The following LIN7C variants were observed in gnomAD, a reference collection of about 807,000 sequenced individuals.
The protein encoded by LIN7C is lin-7 cell polarity scaffold C, also known as protein lin-7 homolog C.
Under a neutral mutation model 24.7 loss-of-function variants are expected in LIN7C, and 17 were observed. The observed-to-expected ratio is 0.69, with a 90% CI of 0.47 to 1.03. The LOEUF is 1.03. Ranked by LOEUF, LIN7C falls within the 50% of genes least tolerant of loss-of-function variation. The pLI is 0.00. For missense variants in LIN7C, 204 were observed against 239.0 expected (o/e 0.85, Z 0.97); for synonymous variants, 90 against 83.4 (o/e 1.08, Z -0.43).
At position 27,503,954 on chromosome 11, in the gene LIN7C, A is replaced by G. The variant is rs1482769820; in HGVS notation, c.38-2034T>C. Reference sequence around the variant, plus strand: ...TGCCTCAGTCTCCCGAGTAGCTGGGACTACAGGTACCTGCCACCAGGCCCA... The same window carrying G: ...TGCCTCAGTCTCCCGAGTAGCTGGGGCTACAGGTACCTGCCACCAGGCCCA... On this transcript the variant is annotated intron_variant, in intron 1 of 4. Transcript: ENST00000278193. Among the ~76,000 whole-genome samples, 11 of 151,942 alleles carry G rather than the reference A, an allele frequency of 7.2e-5. 1 individual carries two copies. The highest frequency in any genetic ancestry group is 7.2e-4 in the Admixed American group (11 of 15,258).
intron 3 of LIN7C, among the ~76,000 whole-genome samples, chr11:27,499,799 AT>A (rs35138390): frequency 6.7e-6 from 1 of 150,236 alleles, no homozygotes; most frequent in Non-Finnish European, 1.5e-5. Flanking sequence ...ATTTTTTTGT[AT>A]TTTTTTTTAG....
intron 3 of LIN7C, among the ~76,000 whole-genome samples, chr11:27,499,788 A>G (rs1267198270): frequency 1.3e-5 from 2 of 151,066 alleles, no homozygotes; most frequent in Non-Finnish European, 2.9e-5. Context: ...ACGCCCGGCT[A>G]ATTTTTTTGT....
rs543665579 is a variant in LIN7C at position 27,501,298 on chromosome 11, T to C, written c.228+197A>G. Among the ~76,000 whole-genome samples, 106 of 152,278 alleles carry C rather than the reference T, an allele frequency of 7.0e-4. 1 individual carries two copies. Among genetic ancestry groups the C allele is most frequent in the Non-Finnish European group, 1.2e-3 (79 of 68,002 alleles). Reference sequence around the variant, plus strand: ...CTAAACTGCATGATAAAATAGCTTATGTAAGCTATTTATCATGCAGCATTT... The same window carrying C: ...CTAAACTGCATGATAAAATAGCTTACGTAAGCTATTTATCATGCAGCATTT... On this transcript the variant is annotated intron_variant, in intron 3 of 4. Transcript: ENST00000278193.
chr11:27,501,959 G>T (rs201164987), intron 1 of LIN7C, 39 bp from the exon 2 acceptor site: 3 of 1,321,662 alleles, frequency 2.3e-6, no homozygotes, highest in South Asian at 1.2e-5. Flanking sequence ...TTCTCCAAGG[G>T]TTTTCTCAAT....
At chr11:27,502,577 A>G (rs1865236763) in intron 1 of LIN7C, among the ~76,000 whole-genome samples, 1 of 152,208 alleles carries the variant, frequency 6.6e-6, no homozygotes, top group African/African-American at 2.4e-5. Flanking sequence ...TATGTTTACA[A>G]AAAAGAAAAA....
Position 27,501,526 on chromosome 11 carries a change from C to G in LIN7C, c.197G>C (p.Ser66Thr). 6.3e-7 allele frequency: 1 copy of G among 1,598,064 alleles called. No homozygotes were observed. Among genetic ancestry groups the G allele is most frequent in the Non-Finnish European group, 8.5e-7 (1 of 1,174,732 alleles). Residue 66 changes from serine (S) to threonine (T), a missense_variant, in exon 3 of 5, where the codon AGT becomes ACT. Physicochemically the swap from Ser to Thr is moderately conservative, Grantham distance 58. This residue lies in a region of LIN7C where 126 missense variants were observed against 117.8 expected (regional missense o/e 1.07). Coordinates refer to ENST00000278193, the MANE Select transcript of LIN7C (RefSeq NM_018362.4). ...AGTAGCGTTCGCTCTCACTTCAGGA[C>G]TGCTACTGATGTCCACAGTCTCATA... ...HVYETVDISS[S>T]PEVRANATAK...
At chr11:27,501,368 G>A (rs1186645912) in intron 3 of LIN7C, 127 bp downstream of exon 3, 3 of 648,722 alleles carry the variant, frequency 4.6e-6, no homozygotes, top group African/African-American at 1.9e-5. Flanking sequence ...TAGTACTTGA[G>A]AAATTTGGTG....
At chr11:27,504,216 A>G (rs1372763104) in intron 1 of LIN7C, among the ~76,000 whole-genome samples, 1 of 152,228 alleles carries the variant, frequency 6.6e-6, no homozygotes, top group Non-Finnish European at 1.5e-5. Context: ...CTGATTTCCC[A>G]TCACCAGAAT....
chr11:27,504,094 A>G (rs1865250112), intron 1 of LIN7C, among the ~76,000 whole-genome samples: 1 of 152,202 alleles, frequency 6.6e-6, no homozygotes, highest in Non-Finnish European at 1.5e-5. Flanking sequence ...CTGGGATTAC[A>G]GGCGTGAGCC....
Position 27,499,547 on chromosome 11 carries a change from C to T in LIN7C, c.250G>A (p.Ala84Thr). 6.2e-7 allele frequency: 1 copy of T among 1,614,190 alleles called. No individual in the cohort carries two copies. The highest frequency in any genetic ancestry group is 8.5e-7 in the Non-Finnish European group (1 of 1,180,032). The change falls in exon 4 of 5, where the codon GCC becomes ACC. Residue 84 changes from alanine to threonine, a missense_variant. Physicochemically the swap from Ala to Thr is moderately conservative, Grantham distance 58. Transcript: ENST00000278193. The stretch of plus-strand genomic sequence containing the variant: ...CGAGGATGAGAATGTCCTTCACTGG[C>T]AGCAAATGCAGCAACAGTAGCCTGA... ...TAKATVAAFA[A>T]SEGHSHPRVV...
chr11:27,501,934 C>T lies in LIN7C; in HGVS notation c.38-14G>A. 1 of 1,476,278 alleles carries T rather than the reference C, an allele frequency of 6.8e-7. No individual in the cohort carries two copies. Among genetic ancestry groups the T allele is most frequent in the Non-Finnish European group, 9.5e-7 (1 of 1,057,288 alleles). The allele number at this position is 1,476,278 out of a possible 1,614,324, so 91.4% of individuals were successfully genotyped here. ...CTCTACAAATATCTAGAGTTAAACA[C>T]ACACACAGATAATTTTCTCCAAGGG... On this transcript the variant is annotated splice_polypyrimidine_tract_variant and intron_variant, in intron 1 of 4. Transcript: ENST00000278193.
At chr11:27,501,641 T>TAAAATTTCAGGCAA in intron 2 of LIN7C, 75 bp from the exon 3 acceptor site, 3 of 1,067,734 alleles carry the variant, frequency 2.8e-6, no homozygotes, top group Non-Finnish European at 4.2e-6. Context: ...CAGGCAAAGT[T>TAAAATTTCAGGCAA]ATGCATCTTT....
chr11:27,494,991 G>GT lies in LIN7C; in HGVS notation c.*3657dup, dbSNP rs1484789748. 3 of 152,564 alleles carry GT rather than the reference G, an allele frequency of 2.0e-5. No individual in the cohort carries two copies. 9.5% of individuals were successfully genotyped at this position (152,564 alleles called of 1,614,324 possible). On this transcript the variant is annotated 3_prime_UTR_variant, in exon 5 of 5. Coordinates refer to ENST00000278193, the MANE Select transcript of LIN7C (RefSeq NM_018362.4). The stretch of plus-strand genomic sequence containing the variant: ...ATTATAAAATATTCACAAACATGTA[G>GT]TTTTTTAAGTCTACACCAGGTCATG...
rs899144209 is a variant in LIN7C at position 27,494,531 on chromosome 11, T to C, written c.*4118A>G. On this transcript the variant is annotated 3_prime_UTR_variant, in exon 5 of 5. Transcript: ENST00000278193. ...ACATACCTTTCATAAACGTTATCTA[T>C]TGTGTAGTTATATCAACTTTTTTCA... 1.3e-5 allele frequency: 2 copies of C among 152,238 alleles called. No homozygotes were observed. The highest frequency in any genetic ancestry group is 2.9e-5 in the Non-Finnish European group (2 of 68,038). 9.4% of individuals were successfully genotyped at this position (152,238 alleles called of 1,614,324 possible).
At chr11:27,504,002 G>C (rs1865249229) in intron 1 of LIN7C, among the ~76,000 whole-genome samples, 1 of 152,044 alleles carries the variant, frequency 6.6e-6, no homozygotes, top group African/African-American at 2.4e-5. Flanking sequence ...ATTTTTAGTA[G>C]AGACAGGGTT....
At chr11:27,499,136 A>C (rs192810624) in intron 4 of LIN7C, among the ~76,000 whole-genome samples, 1 of 152,136 alleles carries the variant, frequency 6.6e-6, no homozygotes, top group Non-Finnish European at 1.5e-5. Flanking sequence ...TATTGCCTTT[A>C]ATAAAGAGCT....
Position 27,497,896 on chromosome 11 carries a change from A to G in LIN7C, c.*753T>C, listed in dbSNP as rs1865186527. 1 of 152,152 alleles carries G rather than the reference A, an allele frequency of 6.6e-6. No individual in the cohort carries two copies. Among genetic ancestry groups the G allele is most frequent in the African/African-American group, 2.4e-5 (1 of 41,446 alleles). The allele number at this position is 152,152 out of a possible 1,614,324, so 9.4% of individuals were successfully genotyped here. A position where few individuals can be genotyped will look rare whatever the true frequency, so the allele number is the denominator to read the frequency against. On this transcript the variant is annotated 3_prime_UTR_variant, in exon 5 of 5. Coordinates refer to ENST00000278193, the MANE Select transcript of LIN7C (RefSeq NM_018362.4). Reference sequence around the variant, plus strand: ...ATAATTTGATGTACGGTTGAACATAAATAGGGATGTAATAAGTAATGCTAT... The same window carrying G: ...ATAATTTGATGTACGGTTGAACATAGATAGGGATGTAATAAGTAATGCTAT...
At position 27,497,535 on chromosome 11, in the gene LIN7C, A is replaced by G. The variant is rs774907772; in HGVS notation, c.*1114T>C. On this transcript the variant is annotated 3_prime_UTR_variant, in exon 5 of 5. Coordinates refer to ENST00000278193, the MANE Select transcript of LIN7C (RefSeq NM_018362.4). ...CAAAAGTTGCCTCTTTAAATCCAAC[A>G]ATTTTAGTATGAGTTCCTACTTATT... 6.6e-6 allele frequency: 1 copy of G among 152,570 alleles called. No individual in the cohort carries two copies. Among genetic ancestry groups the G allele is most frequent in the Non-Finnish European group, 1.5e-5 (1 of 67,944 alleles). The allele number at this position is 152,570 out of a possible 1,614,324, so 9.5% of individuals were successfully genotyped here.
At chr11:27,503,870 T>G (rs373364222) in intron 1 of LIN7C, among the ~76,000 whole-genome samples, 3 of 152,078 alleles carry the variant, frequency 2.0e-5, no homozygotes, top group Admixed American at 1.3e-4. Flanking sequence ...GAGGCTGGGG[T>G]GCAGTGGTAC....
Sources: allele counts gnomAD v4.1 joint callset (sites outside exome capture counted in the v4.1 genomes callset), GRCh38; gene constraint gnomAD v4.1.1; regional missense constraint gnomAD v4.1.1; transcripts MANE v1.5; gene names NCBI Gene and HGNC (gene_info 2026-07-23, HGNC 2026-07-21).